The following SMOC2 variants were observed in gnomAD, a reference collection of about 807,000 sequenced individuals.
SMOC2 encodes SPARC-related modular calcium-binding protein 2.
A neutral mutation model predicts 61.4 loss-of-function variants in SMOC2; 39 were observed. The observed-to-expected ratio is 0.64, with a 90% CI of 0.49 to 0.83. The LOEUF (loss-of-function observed/expected upper bound fraction) is 0.83, where lower values mean the gene tolerates loss of function less well. SMOC2 is among the 40% of genes least tolerant of loss of function. The pLI is 0.00. For synonymous variants in SMOC2, 247 were observed against 239.9 expected (o/e 1.03, Z -0.27); for missense variants, 556 against 592.9 (o/e 0.94, Z 0.65).
At position 168,603,078 on chromosome 6, in the gene SMOC2, T is replaced by C. The variant is rs562403708; in HGVS notation, c.824+4074T>C. ...GCTGTTCTCGTGATAGTGAGTGAGTTATCATGAGATCCGATGGTTTTATAC... is the reference window on the plus strand; with the variant it reads ...GCTGTTCTCGTGATAGTGAGTGAGTCATCATGAGATCCGATGGTTTTATAC... On this transcript the variant is annotated intron_variant, in intron 8 of 12. Coordinates refer to ENST00000356284, the MANE Select transcript of SMOC2 (RefSeq NM_001166412.2). Among the ~76,000 whole-genome samples the C allele has an allele frequency of 1.4e-3, 210 of 151,970 alleles. 2 individuals carry two copies. The highest frequency in any genetic ancestry group is 4.7e-3 in the African/African-American group (193 of 41,474).
chr6:168,458,358 G>A (rs939471460), intron 1 of SMOC2, among the ~76,000 whole-genome samples: 7 of 150,300 alleles, frequency 4.7e-5, no homozygotes, highest in South Asian at 2.1e-4. Flanking sequence ...GGAGGGAGAC[G>A]GTCTCACCCT....
chr6:168,552,109 C>A (rs1246816915), intron 7 of SMOC2, among the ~76,000 whole-genome samples: 1 of 152,084 alleles, frequency 6.6e-6, no homozygotes, highest in Non-Finnish European at 1.5e-5. Flanking sequence ...GTGTTTAATA[C>A]CAGTTTTCTA....
At chr6:168,605,921 C>G (rs1354674704) in intron 8 of SMOC2, among the ~76,000 whole-genome samples, 1 of 152,198 alleles carries the variant, frequency 6.6e-6, no homozygotes, top group Non-Finnish European at 1.5e-5. Flanking sequence ...CCATTCTGAG[C>G]TGGGACATTC....
In SMOC2 at chr6:168,667,140, T is replaced by C. The variant is rs1453643560; in HGVS notation, c.*702T>C. The C allele has an allele frequency of 6.6e-6, 1 of 152,012 alleles. No homozygotes were observed. Among genetic ancestry groups the C allele is most frequent in the East Asian group, 1.9e-4 (1 of 5,172 alleles). 9.4% of individuals were successfully genotyped at this position (152,012 alleles called of 1,614,324 possible). A position where few individuals can be genotyped will look rare whatever the true frequency, so the allele number is the denominator to read the frequency against. On this transcript the variant is annotated 3_prime_UTR_variant, in exon 13 of 13. Coordinates refer to ENST00000356284, the MANE Select transcript of SMOC2 (RefSeq NM_001166412.2). ...TGGGGCTTGAATGAGTCCCAGAGAG[T>C]CGTTCGGATGGTGGGAGGCTGCCTA...
intron 9 of SMOC2, among the ~76,000 whole-genome samples, chr6:168,615,819 C>T (rs77490980): frequency 1.4e-5 from 2 of 143,340 alleles, no homozygotes; most frequent in Admixed American, 6.8e-5. Context: ...GCATAATTAT[C>T]GTCTTTGACT....
At chr6:168,503,220 G>A (rs1782778895) in intron 1 of SMOC2, among the ~76,000 whole-genome samples, 1 of 151,734 alleles carries the variant, frequency 6.6e-6, no homozygotes, top group Non-Finnish European at 1.5e-5. Context: ...ATGGATTACA[G>A]GCACCCACCA....
intron 7 of SMOC2, among the ~76,000 whole-genome samples, chr6:168,562,557 TCCTCTTTACATATG>T (rs1784445685): frequency 6.6e-6 from 1 of 152,124 alleles, no homozygotes; most frequent in African/African-American, 2.4e-5. Flanking sequence ...GGTACTGTTT[TCCTCTTTACATATG>T]AAAAAATGCA....
In SMOC2 at chr6:168,474,108, A is replaced by G. The variant is rs908549161; in HGVS notation, c.84+32654A>G. On this transcript the variant is annotated intron_variant, in intron 1 of 12. Coordinates refer to ENST00000356284, the MANE Select transcript of SMOC2 (RefSeq NM_001166412.2). ...TGTTCTTTCCTCTGTTCATCCGTGC[A>G]TTGATGGATTGCTTCATTCAATAGT... 2.4e-4 allele frequency among the ~76,000 whole-genome samples: 37 copies of G among 152,242 alleles called. 1 individual carries two copies. Among genetic ancestry groups the G allele is most frequent in the South Asian group, 4.1e-4 (2 of 4,822 alleles).
At chr6:168,450,278 G>A (rs375732336) in intron 1 of SMOC2, among the ~76,000 whole-genome samples, 1 of 152,178 alleles carries the variant, frequency 6.6e-6, no homozygotes, top group African/African-American at 2.4e-5. Context: ...ACCATAGAGC[G>A]AAATTTGTTC....
chr6:168,459,539 C>A (rs1202312277), intron 1 of SMOC2, among the ~76,000 whole-genome samples: 1 of 149,906 alleles, frequency 6.7e-6, no homozygotes, highest in East Asian at 2.0e-4. Flanking sequence ...AGCTAGAGCC[C>A]CAGGGTGGGT....
rs1322393533 is a variant in SMOC2 at position 168,599,585 on chromosome 6, A to ACC, written c.824+582_824+583insCC. Among the ~76,000 whole-genome samples, 33 of 82,862 alleles carry ACC rather than the reference A, an allele frequency of 4.0e-4. 2 individuals are homozygous for ACC. The South Asian group carries it at 0.012, about 31-fold the overall frequency. 54.4% of individuals were successfully genotyped at this position (82,862 alleles called of 152,430 possible). A position where few individuals can be genotyped will look rare whatever the true frequency, so the allele number is the denominator to read the frequency against. ...ATACACACCCACACTCATACCACAC[A>ACC]CACCCACACATACCCCCACACACCC... On this transcript the variant is annotated intron_variant, in intron 8 of 12. Transcript: ENST00000356284.
At chr6:168,487,393 C>A (rs921019367) in intron 1 of SMOC2, among the ~76,000 whole-genome samples, 1 of 152,152 alleles carries the variant, frequency 6.6e-6, no homozygotes, top group African/African-American at 2.4e-5. Context: ...GCTGTGCCAA[C>A]AGTATTTGGG....
At chr6:168,514,089 G>T (rs1190742075) in intron 2 of SMOC2, among the ~76,000 whole-genome samples, 5 of 152,254 alleles carry the variant, frequency 3.3e-5, no homozygotes, top group Middle Eastern at 3.4e-3. Flanking sequence ...ACTTTGTGGG[G>T]TCATAAGCAC....
intron 2 of SMOC2, among the ~76,000 whole-genome samples, chr6:168,521,240 C>T (rs1320800301): frequency 1.3e-5 from 2 of 152,126 alleles, no homozygotes; most frequent in African/African-American, 4.8e-5. Context: ...CCTCCACCTC[C>T]CAGGTTCATG....
chr6:168,463,568 G>T (rs1781760603), intron 1 of SMOC2, among the ~76,000 whole-genome samples: 1 of 152,164 alleles, frequency 6.6e-6, no homozygotes, highest in African/African-American at 2.4e-5. Context: ...ATCCCCAGGA[G>T]CCAGGGGAGT....
At chr6:168,464,384 A>G (rs1781783261) in intron 1 of SMOC2, among the ~76,000 whole-genome samples, 1 of 152,136 alleles carries the variant, frequency 6.6e-6, no homozygotes, top group Non-Finnish European at 1.5e-5. Flanking sequence ...CATAACAATT[A>G]GCTGACAGTG....
intron 7 of SMOC2, among the ~76,000 whole-genome samples, chr6:168,552,272 G>A (rs1437427955): frequency 6.6e-6 from 1 of 152,144 alleles, no homozygotes; most frequent in Non-Finnish European, 1.5e-5. Context: ...TATCAGAAGA[G>A]TGTCATTTAT....
intron 6 of SMOC2, among the ~76,000 whole-genome samples, chr6:168,547,711 ACAT>A (rs1472715091): frequency 6.6e-6 from 1 of 151,942 alleles, no homozygotes; most frequent in Non-Finnish European, 1.5e-5. Flanking sequence ...GTGTATCTAA[ACAT>A]CATGATGTTA....
intron 7 of SMOC2, among the ~76,000 whole-genome samples, chr6:168,557,042 G>A (rs997281449): frequency 2.6e-5 from 4 of 151,824 alleles, no homozygotes; most frequent in African/African-American, 9.7e-5. Flanking sequence ...TGTTATATCG[G>A]ACATATTAAA....
Sources: allele counts gnomAD v4.1 joint callset (sites outside exome capture counted in the v4.1 genomes callset), GRCh38; gene constraint gnomAD v4.1.1; transcripts MANE v1.5; gene names NCBI Gene and HGNC (gene_info 2026-07-23, HGNC 2026-07-21).